AGBL4: variants seen among roughly 807,000 people sequenced by gnomAD.
The protein encoded by AGBL4 is cytosolic carboxypeptidase 6.
In AGBL4, 58 loss-of-function variants were observed where a neutral mutation model predicts 66.4. The ratio of observed to expected loss-of-function variants is 0.87; its 90% CI spans 0.71 to 1.09. The LOEUF (loss-of-function observed/expected upper bound fraction) is 1.09, where lower values mean the gene tolerates loss of function less well. AGBL4 is among the 50% of genes least tolerant of loss of function. The probability of loss-of-function intolerance (pLI) is 0.00; values close to 1 mark genes in which losing one functional copy is unlikely to be tolerated. For missense variants in AGBL4, 579 were observed against 631.0 expected (o/e 0.92, Z 0.88); for synonymous variants, 234 against 222.9 (o/e 1.05, Z -0.44).
intron 6 of AGBL4, among the ~76,000 whole-genome samples, chr1:48,757,895 T>C (rs1644027517): frequency 6.6e-6 from 1 of 152,210 alleles, no homozygotes; most frequent in Non-Finnish European, 1.5e-5. Context: ...TCAGGGGCTA[T>C]GGAGGCAAAG....
At chr1:49,088,360 G>C (rs994897289) in intron 4 of AGBL4, among the ~76,000 whole-genome samples, 4 of 152,058 alleles carry the variant, frequency 2.6e-5, no homozygotes, top group African/African-American at 7.2e-5. Context: ...TATCTCATAT[G>C]CAATAACACC....
chr1:49,563,660 C>A (rs1168864765), intron 3 of AGBL4, among the ~76,000 whole-genome samples: 1 of 151,990 alleles, frequency 6.6e-6, no homozygotes, highest in Non-Finnish European at 1.5e-5. Context: ...GGATGAAGCC[C>A]ACTTGATCAT....
chr1:49,831,276 T>C (rs1050968477), intron 2 of AGBL4, among the ~76,000 whole-genome samples: 1 of 152,196 alleles, frequency 6.6e-6, no homozygotes, highest in African/African-American at 2.4e-5. Flanking sequence ...TGTCCTCTCT[T>C]ATTTCCTTGA....
chr1:49,664,808 C>T (rs957801308), intron 3 of AGBL4, among the ~76,000 whole-genome samples: 30 of 151,852 alleles, frequency 2.0e-4, no homozygotes, highest in African/African-American at 1.2e-4. Flanking sequence ...AAATTTGATG[C>T]CAATATAATA....
intron 3 of AGBL4, among the ~76,000 whole-genome samples, chr1:49,281,476 T>C (rs1316403070): frequency 6.6e-6 from 1 of 152,192 alleles, no homozygotes; most frequent in Non-Finnish European, 1.5e-5. Flanking sequence ...GCAGTGTGCT[T>C]TCCTGTCTGT....
chr1:49,717,747 T>C (rs1648267925), intron 2 of AGBL4, among the ~76,000 whole-genome samples: 1 of 152,078 alleles, frequency 6.6e-6, no homozygotes, highest in Admixed American at 6.6e-5. Flanking sequence ...GCAGCACCTG[T>C]AGTAGTGTCT....
intron 3 of AGBL4, among the ~76,000 whole-genome samples, chr1:49,449,667 T>C (rs1380603850): frequency 2.6e-5 from 4 of 151,948 alleles, no homozygotes; most frequent in Non-Finnish European, 5.9e-5. Flanking sequence ...CACGAGCCCA[T>C]AGACACAGGT....
intron 3 of AGBL4, among the ~76,000 whole-genome samples, chr1:49,370,712 A>C (rs1383529219): frequency 1.3e-5 from 2 of 152,202 alleles, no homozygotes; most frequent in Non-Finnish European, 2.9e-5. Flanking sequence ...GGGTTAATAC[A>C]AGATTTTACC....
chr1:48,774,468 G>T (rs1221388485), intron 6 of AGBL4, among the ~76,000 whole-genome samples: 2 of 152,176 alleles, frequency 1.3e-5, no homozygotes, highest in African/African-American at 2.4e-5. Context: ...ACTTCAAGTT[G>T]TTGTCTTTTT....
intron 3 of AGBL4, among the ~76,000 whole-genome samples, chr1:49,424,185 C>T (rs1570682332): frequency 6.6e-6 from 1 of 152,308 alleles, no homozygotes; most frequent in East Asian, 1.9e-4. Context: ...ATGTCCAACA[C>T]TTTAGCAGTT....
intron 9 of AGBL4, among the ~76,000 whole-genome samples, chr1:48,613,447 G>T (rs888734005): frequency 6.6e-6 from 1 of 152,162 alleles, no homozygotes; most frequent in African/African-American, 2.4e-5. Context: ...TTAGATCATT[G>T]TTCCTAACTA....
intron 1 of AGBL4, among the ~76,000 whole-genome samples, chr1:49,917,820 C>T (rs1480675793): frequency 6.6e-6 from 1 of 152,158 alleles, no homozygotes; most frequent in Non-Finnish European, 1.5e-5. Flanking sequence ...CCAAAATTGA[C>T]CACATAGTTG....
At chr1:49,175,004 A>G (rs1357411891) in intron 4 of AGBL4, 2 of 152,098 alleles carry the variant, frequency 1.3e-5, no homozygotes, top group Non-Finnish European at 2.9e-5. Flanking sequence ...ATATGGACTC[A>G]CCTGAGGTTT....
intron 1 of AGBL4, among the ~76,000 whole-genome samples, chr1:49,981,295 T>C (rs1659035990): frequency 6.6e-6 from 1 of 152,096 alleles, no homozygotes. Context: ...TTGTAGTTTA[T>C]GCAAAAAAGA....
chr1:49,146,731 C>T (rs558677166), intron 4 of AGBL4, among the ~76,000 whole-genome samples: 7 of 152,346 alleles, frequency 4.6e-5, no homozygotes, highest in Non-Finnish European at 7.3e-5. Context: ...AGACACCCTC[C>T]AAGGAGCATG....
rs552215368 is a variant in AGBL4 at position 48,815,544 on chromosome 1, T to TA, written c.634+51646dup. Among the ~76,000 whole-genome samples, 200 of 151,104 alleles carry TA rather than the reference T, an allele frequency of 1.3e-3. 1 individual carries two copies. Among genetic ancestry groups the TA allele is most frequent in the African/African-American group, 4.6e-3 (190 of 41,244 alleles). On this transcript the variant is annotated intron_variant, in intron 6 of 13. Coordinates refer to ENST00000371839, the MANE Select transcript of AGBL4 (RefSeq NM_032785.4). Reference sequence around the variant, plus strand: ...AGTGACTTCACTCAGTTTCCTTATCTAAAAAAAAATAGGTGTCATAATTCC... The same window carrying TA: ...AGTGACTTCACTCAGTTTCCTTATCTAAAAAAAAAATAGGTGTCATAATTCC...
intron 5 of AGBL4, among the ~76,000 whole-genome samples, chr1:48,957,371 T>C (rs1657566573): frequency 6.6e-6 from 1 of 152,204 alleles, no homozygotes; most frequent in South Asian, 2.1e-4. Flanking sequence ...TGACCAAATG[T>C]ATCTATGATC....
At chr1:49,399,850 G>A (rs1372050480) in intron 3 of AGBL4, among the ~76,000 whole-genome samples, 1 of 151,896 alleles carries the variant, frequency 6.6e-6, no homozygotes, top group Non-Finnish European at 1.5e-5. Context: ...ATTTTAACTT[G>A]GTGTGATCTC....
At chr1:49,874,078 A>G (rs1026663394) in intron 1 of AGBL4, among the ~76,000 whole-genome samples, 4 of 152,138 alleles carry the variant, frequency 2.6e-5, no homozygotes, top group Non-Finnish European at 4.4e-5. Flanking sequence ...ATCCATATGC[A>G]GCTCCAACAA....
Sources: allele counts gnomAD v4.1 joint callset (sites outside exome capture counted in the v4.1 genomes callset), GRCh38; gene constraint gnomAD v4.1.1; transcripts MANE v1.5; gene names NCBI Gene and HGNC (gene_info 2026-07-23, HGNC 2026-07-21).